DCDC1: variants seen among roughly 807,000 people sequenced by gnomAD.
DCDC1 encodes doublecortin domain-containing protein 1.
DCDC1 carries 200 observed loss-of-function variants against 178.3 expected under a neutral mutation model. The ratio of observed to expected loss-of-function variants is 1.12; its 90% CI spans 1.00 to 1.26. The LOEUF (loss-of-function observed/expected upper bound fraction) is 1.26, where lower values mean the gene tolerates loss of function less well. Among genes scored for constraint, DCDC1 ranks in the 50% most tolerant of loss-of-function variants. The pLI is 0.00. For missense variants in DCDC1, 1,983 were observed against 1,749.2 expected (o/e 1.13, Z -2.38); for synonymous variants, 690 against 604.8 (o/e 1.14, Z -2.07).
intron 8 of DCDC1, among the ~76,000 whole-genome samples, chr11:31,244,841 C>A (rs985762093): frequency 6.6e-5 from 10 of 151,568 alleles, no homozygotes; most frequent in Non-Finnish European, 1.3e-4. Context: ...GACTATAGGG[C>A]AAAATTAAAA....
chr11:31,181,205 G>A (rs1968756574), intron 9 of DCDC1, among the ~76,000 whole-genome samples: 1 of 152,188 alleles, frequency 6.6e-6, no homozygotes, highest in South Asian at 2.1e-4. Context: ...AAGAAAGGCA[G>A]CAGCTCCAGT....
chr11:30,873,247 A>G (rs1385377662), intron 38 of DCDC1, among the ~76,000 whole-genome samples: 1 of 150,728 alleles, frequency 6.6e-6, no homozygotes, highest in African/African-American at 2.4e-5. Context: ...GATTTATCCT[A>G]TCAAAATGAC....
intron 1 of DCDC1, among the ~76,000 whole-genome samples, chr11:31,359,234 C>A (rs1394950563): frequency 1.3e-5 from 2 of 152,214 alleles, no homozygotes; most frequent in East Asian, 3.9e-4. Context: ...CACATATACA[C>A]CATGGAATAC....
chr11:30,951,596 A>G (rs1399878861), intron 21 of DCDC1, among the ~76,000 whole-genome samples: 2 of 152,144 alleles, frequency 1.3e-5, no homozygotes, highest in African/African-American at 2.4e-5. Context: ...AAATTACACT[A>G]TATTACTATA....
At chr11:31,165,057 G>T (rs539969709) in intron 9 of DCDC1, among the ~76,000 whole-genome samples, 1 of 152,190 alleles carries the variant, frequency 6.6e-6, no homozygotes, top group Middle Eastern at 3.4e-3. Context: ...TGTAGCCTAG[G>T]AGCAAATAGG....
intron 15 of DCDC1, among the ~76,000 whole-genome samples, chr11:31,098,468 C>T (rs1336874001): frequency 6.6e-6 from 1 of 152,110 alleles, no homozygotes; most frequent in Non-Finnish European, 1.5e-5. Flanking sequence ...TTATATGTTC[C>T]AAATTTTTCT....
At chr11:31,182,421 A>G (rs991270208) in intron 9 of DCDC1, among the ~76,000 whole-genome samples, 1 of 152,194 alleles carries the variant, frequency 6.6e-6, no homozygotes, top group Non-Finnish European at 1.5e-5. Context: ...GGGGGCAAAT[A>G]TTCAACATTC....
At chr11:31,360,103 T>A (rs773858138) in intron 1 of DCDC1, among the ~76,000 whole-genome samples, 1 of 152,242 alleles carries the variant, frequency 6.6e-6, no homozygotes, top group Admixed American at 6.5e-5. Flanking sequence ...CAAGAAAACA[T>A]GTCTAGACAT....
At chr11:31,368,779 C>A (rs1401198544) in intron 1 of DCDC1, among the ~76,000 whole-genome samples, 1 of 152,174 alleles carries the variant, frequency 6.6e-6, no homozygotes, top group Non-Finnish European at 1.5e-5. Context: ...ACCATTTTAA[C>A]ATCTCCAAGT....
intron 9 of DCDC1, among the ~76,000 whole-genome samples, chr11:31,160,228 A>G (rs1374429720): frequency 2.0e-5 from 3 of 152,196 alleles, no homozygotes; most frequent in Admixed American, 2.0e-4. Context: ...AAATAATTGA[A>G]TCAACTTAAG....
At chr11:31,162,663 T>A (rs961686892) in intron 9 of DCDC1, among the ~76,000 whole-genome samples, 4 of 152,186 alleles carry the variant, frequency 2.6e-5, no homozygotes. Context: ...TTGGGGCTTA[T>A]TTAAAGATAT....
intron 1 of DCDC1, among the ~76,000 whole-genome samples, chr11:31,368,115 T>A (rs1355239360): frequency 6.6e-6 from 1 of 152,122 alleles, no homozygotes; most frequent in Non-Finnish European, 1.5e-5. Context: ...AGTCCAATAA[T>A]GACATTATGG....
intron 20 of DCDC1, among the ~76,000 whole-genome samples, chr11:31,036,495 T>A (rs1954034621): frequency 6.6e-6 from 1 of 152,196 alleles, no homozygotes; most frequent in South Asian, 2.1e-4. Context: ...TTAATAGCAG[T>A]GCCTTCTCTA....
intron 9 of DCDC1, among the ~76,000 whole-genome samples, chr11:31,192,465 A>G (rs1970239958): frequency 6.6e-6 from 1 of 152,078 alleles, no homozygotes; most frequent in Non-Finnish European, 1.5e-5. Flanking sequence ...CCACTGCTCT[A>G]CCAGTAAGCC....
At chr11:31,240,338 A>G (rs1325281092) in intron 9 of DCDC1, among the ~76,000 whole-genome samples, 1 of 152,000 alleles carries the variant, frequency 6.6e-6, no homozygotes, top group Non-Finnish European at 1.5e-5. Context: ...AGTCTTATCT[A>G]TGATAATTAT....
chr11:31,271,401 G>A (rs866223354), intron 7 of DCDC1, among the ~76,000 whole-genome samples: 11 of 152,070 alleles, frequency 7.2e-5, no homozygotes, highest in East Asian at 3.9e-4. Context: ...ATATTGAAAC[G>A]TAAGTCTTTT....
chr11:31,153,415 T>C lies in DCDC1; in HGVS notation c.1222-15631A>G, dbSNP rs540080715. ...TCGCATTATCAAGCTCCTTCCCCAC[T>C]CTGGGAATTCCCACTGTAATTACTT... On this transcript the variant is annotated intron_variant, in intron 9 of 38. Transcript: ENST00000684477. Among the ~76,000 whole-genome samples the C allele has an allele frequency of 5.3e-5, 8 of 152,290 alleles. No homozygotes were observed. The East Asian group carries it at 1.5e-3, about 29-fold the overall frequency.
At chr11:31,293,731 A>T (rs371858537) in intron 6 of DCDC1, among the ~76,000 whole-genome samples, 74 of 152,278 alleles carry the variant, frequency 4.9e-4, no homozygotes, top group Middle Eastern at 3.4e-3. Flanking sequence ...TAATATTATT[A>T]TCCTTATTTA....
chr11:31,080,509 A>G lies in DCDC1; in HGVS notation c.2238-2584T>C, dbSNP rs186928231. On this transcript the variant is annotated intron_variant, in intron 17 of 38. Transcript: ENST00000684477. ...TCAGTAACTTAATACATATTGATAT[A>G]ATCATAATGTTTTTATACAACTGTA... Among the ~76,000 whole-genome samples the G allele has an allele frequency of 1.4e-4, 21 of 152,322 alleles. No individual in the cohort carries two copies. The East Asian group carries it at 3.9e-3, about 28-fold the overall frequency.
Sources: gnomAD v4.1 joint callset for allele counts (sites outside exome capture counted in the v4.1 genomes callset) on GRCh38, gnomAD v4.1.1 for gene constraint, MANE v1.5 for transcripts, NCBI Gene and HGNC (gene_info 2026-07-23, HGNC 2026-07-21) for gene names.